Variants in RFX4 observed in about 807,000 individuals in gnomAD.
RFX4 encodes the protein transcription factor RFX4.
Under a neutral mutation model 95.0 loss-of-function variants are expected in RFX4, and 10 were observed. The observed-to-expected ratio is 0.11, with a 90% confidence interval of 0.06 to 0.18. The LOEUF is 0.18. RFX4 is among the 10% of genes least tolerant of loss of function. RFX4 has a pLI of 1.00. For missense variants in RFX4, 640 were observed against 922.0 expected (o/e 0.69, Z 3.96); for synonymous variants, 321 against 340.7 (o/e 0.94, Z 0.64).
At chr12:106,666,620 C>T (rs879387000) in intron 4 of RFX4, among the ~76,000 whole-genome samples, 1 of 152,060 alleles carries the variant, frequency 6.6e-6, no homozygotes, top group African/African-American at 2.4e-5. Context: ...GTTCTCTTCG[C>T]TTTTTAGTTT....
chr12:106,608,889 T>C lies in RFX4; in HGVS notation c.130+6T>C, dbSNP rs764002528. 1.9e-6 allele frequency: 3 copies of C among 1,606,854 alleles called. No homozygotes were observed. The highest frequency in any genetic ancestry group is 2.5e-6 in the Non-Finnish European group (3 of 1,177,848). ...GAATGTTTCTAATGATGAAAGTAAG[T>C]GCTTGAAACTCATTCTTCCATGACA... On this transcript the variant is annotated splice_donor_region_variant and intron_variant, in intron 2 of 17. Coordinates refer to ENST00000392842, the MANE Select transcript of RFX4 (RefSeq NM_213594.3).
intron 16 of RFX4, among the ~76,000 whole-genome samples, chr12:106,749,881 C>A (rs1593014657): frequency 6.6e-6 from 1 of 152,188 alleles, no homozygotes; most frequent in South Asian, 2.1e-4. Context: ...AGACAGCTTA[C>A]AGAAACCCAC....
intron 5 of RFX4, among the ~76,000 whole-genome samples, chr12:106,686,285 C>T (rs978757854): frequency 6.6e-6 from 1 of 152,028 alleles, no homozygotes; most frequent in Non-Finnish European, 1.5e-5. Context: ...GTGGCACATG[C>T]CTGTAATCCC....
In RFX4 at chr12:106,736,528, C is replaced by T. The variant is rs577548696; in HGVS notation, c.1633+3443C>T. On this transcript the variant is annotated intron_variant, in intron 15 of 17. Coordinates refer to ENST00000392842, the MANE Select transcript of RFX4 (RefSeq NM_213594.3). ...GAAAAAGGGCACGGAGGATGAAAACCGACTCTCTTAAAAGCCCTGGCCTGA... is the reference window on the plus strand; with the variant it reads ...GAAAAAGGGCACGGAGGATGAAAACTGACTCTCTTAAAAGCCCTGGCCTGA... Among the ~76,000 whole-genome samples, 22 of 152,182 alleles carry T rather than the reference C, an allele frequency of 1.4e-4. No individual in the cohort carries two copies. The South Asian group carries it at 2.5e-3, about 17-fold the overall frequency.
chr12:106,600,345 C>A (rs2137180880), intron 1 of RFX4, among the ~76,000 whole-genome samples: 1 of 152,304 alleles, frequency 6.6e-6, no homozygotes, highest in Non-Finnish European at 1.5e-5. Context: ...ATGCTGCTTC[C>A]TCCAAGAAGC....
At chr12:106,603,603 G>A (rs1034474600) in intron 1 of RFX4, among the ~76,000 whole-genome samples, 11 of 152,222 alleles carry the variant, frequency 7.2e-5, no homozygotes, top group African/African-American at 2.7e-4. Context: ...CTTAGCACAA[G>A]CTTGGTCCTT....
chr12:106,736,430 G>C (rs1377049795), intron 15 of RFX4, among the ~76,000 whole-genome samples: 1 of 152,106 alleles, frequency 6.6e-6, no homozygotes, highest in Non-Finnish European at 1.5e-5. Flanking sequence ...ACTTCCAGGT[G>C]ATTTTGATGC....
chr12:106,684,471 C>T (rs1416068246), intron 5 of RFX4, among the ~76,000 whole-genome samples: 2 of 152,036 alleles, frequency 1.3e-5, no homozygotes, highest in Non-Finnish European at 2.9e-5. Context: ...GTTGTTGTGC[C>T]CTACAGAACT....
At chr12:106,681,030 T>A (rs892223690) in intron 4 of RFX4, 2 of 152,142 alleles carry the variant, frequency 1.3e-5, no homozygotes, top group African/African-American at 2.4e-5. Context: ...TCCACAAACA[T>A]CATCTCCGTA....
At chr12:106,599,769 G>A (rs185838627) in intron 1 of RFX4, among the ~76,000 whole-genome samples, 58 of 151,614 alleles carry the variant, frequency 3.8e-4, no homozygotes, top group Admixed American at 5.9e-4. Context: ...AGCCTCTAGC[G>A]GCCTCCTACA....
At chr12:106,701,983 C>A (rs2042000334) in intron 8 of RFX4, among the ~76,000 whole-genome samples, 1 of 152,098 alleles carries the variant, frequency 6.6e-6, no homozygotes, top group African/African-American at 2.4e-5. Context: ...GGCCGGATGA[C>A]AGAGCAAGAC....
intron 3 of RFX4, among the ~76,000 whole-genome samples, chr12:106,648,024 G>A (rs1252436627): frequency 6.6e-6 from 1 of 152,194 alleles, no homozygotes; most frequent in Non-Finnish European, 1.5e-5. Flanking sequence ...TCCCTGGGAA[G>A]TAGTGAGAGC....
In RFX4 at chr12:106,747,746, G is replaced by C. The variant is rs2042922135; in HGVS notation, c.1796+147G>C. On this transcript the variant is annotated intron_variant, in intron 16 of 17. Coordinates refer to ENST00000392842, the MANE Select transcript of RFX4 (RefSeq NM_213594.3). ...AGTTCGAGACCAGCCTGGCCAACGT[G>C]GTGAAACCCTGTCTGTACTAAAAAT... is the stretch of plus-strand genomic sequence containing the variant. 4 of 766,280 alleles carry C rather than the reference G, an allele frequency of 5.2e-6. No individual in the cohort carries two copies. In the South Asian group the frequency reaches 7.2e-5, roughly 14 times the overall value. The allele number at this position is 766,280 out of a possible 1,614,324, so 47.5% of individuals were successfully genotyped here.
chr12:106,601,847 C>G (rs1349556169), intron 1 of RFX4, among the ~76,000 whole-genome samples: 3 of 152,212 alleles, frequency 2.0e-5, no homozygotes, highest in Non-Finnish European at 1.5e-5. Context: ...CAGCTTTGTG[C>G]CTTTGTCCTG....
chr12:106,697,794 C>T (rs1178688730), intron 8 of RFX4, among the ~76,000 whole-genome samples: 2 of 152,072 alleles, frequency 1.3e-5, no homozygotes, highest in Admixed American at 1.3e-4. Context: ...TCTTATTGCA[C>T]TGGCTAAAAT....
rs544685280 is a variant in RFX4 at position 106,748,872 on chromosome 12, G to T, written c.1796+1273G>T. Among the ~76,000 whole-genome samples, 7 of 152,240 alleles carry T rather than the reference G, an allele frequency of 4.6e-5. No homozygotes were observed. In the East Asian group the frequency reaches 1.2e-3, roughly 25 times the overall value. On this transcript the variant is annotated intron_variant, in intron 16 of 17. Transcript: ENST00000392842. ...AGGCCAAGGCGGGGTGGATCACGAG[G>T]TCAGGAGATCGAAATCATCCTGGCG... is the stretch of plus-strand genomic sequence containing the variant.
chr12:106,660,367 C>T (rs1188238071), intron 4 of RFX4, among the ~76,000 whole-genome samples: 2 of 151,876 alleles, frequency 1.3e-5, no homozygotes, highest in Non-Finnish European at 2.9e-5. Context: ...GCTCCAGGCA[C>T]TGAGCATCCC....
chr12:106,641,044 G>T (rs1323129161), intron 3 of RFX4, among the ~76,000 whole-genome samples: 1 of 152,140 alleles, frequency 6.6e-6, no homozygotes, highest in South Asian at 2.1e-4. Context: ...GCCTGTCAAA[G>T]TGGTGGGATT....
At chr12:106,714,443 A>T (rs983244983) in intron 10 of RFX4, among the ~76,000 whole-genome samples, 1 of 152,180 alleles carries the variant, frequency 6.6e-6, no homozygotes, top group Non-Finnish European at 1.5e-5. Context: ...CTAAGATTTT[A>T]CTTGTAATTG....
Sources: allele counts gnomAD v4.1 joint callset (sites outside exome capture counted in the v4.1 genomes callset), GRCh38; gene constraint gnomAD v4.1.1; transcripts MANE v1.5; gene names NCBI Gene and HGNC (gene_info 2026-07-23, HGNC 2026-07-21).